The following FSTL1 variants were observed in gnomAD, a reference collection of about 807,000 sequenced individuals.
FSTL1 encodes the protein follistatin-related protein 1.
A neutral mutation model predicts 45.9 loss-of-function variants in FSTL1; 24 were observed. That is an observed-to-expected ratio of 0.52 (90% CI 0.38 to 0.74). The LOEUF is 0.74. Among genes scored for constraint, FSTL1 ranks in the 30% least tolerant of loss-of-function variants. The pLI, the probability that FSTL1 is intolerant of heterozygous loss-of-function variation, is 0.00. For missense variants in FSTL1, 340 were observed against 381.8 expected (o/e 0.89, Z 0.91); for synonymous variants, 120 against 137.6 (o/e 0.87, Z 0.89).
intron 2 of FSTL1, among the ~76,000 whole-genome samples, chr3:120,443,277 G>A (rs1160136065): frequency 6.7e-6 from 1 of 149,204 alleles, no homozygotes; most frequent in Non-Finnish European, 1.5e-5. Context: ...AAGAGGTGAG[G>A]AAGGGGAATT....
chr3:120,443,458 T>C (rs1937669056), intron 2 of FSTL1, among the ~76,000 whole-genome samples: 1 of 149,882 alleles, frequency 6.7e-6, no homozygotes, highest in African/African-American at 2.5e-5. Flanking sequence ...ATCCATAAAT[T>C]ACACTTATTA....
At chr3:120,437,273 G>A (rs148475782) in intron 2 of FSTL1, among the ~76,000 whole-genome samples, 2 of 152,292 alleles carry the variant, frequency 1.3e-5, no homozygotes, top group African/African-American at 4.8e-5. Context: ...TATGTTGGCT[G>A]TGGGATTAGG....
chr3:120,450,531 A>T (rs1937865954), intron 2 of FSTL1, among the ~76,000 whole-genome samples, 153 bp downstream of exon 2: 1 of 152,108 alleles, frequency 6.6e-6, no homozygotes, highest in South Asian at 2.1e-4. Flanking sequence ...CGTAAGCAGC[A>T]TTACTGCCCC....
chr3:120,436,696 A>G (rs1322741720), intron 2 of FSTL1, among the ~76,000 whole-genome samples: 1 of 152,216 alleles, frequency 6.6e-6, no homozygotes, highest in Non-Finnish European at 1.5e-5. Context: ...ACAAAGCACA[A>G]ACAGACACAT....
chr3:120,447,162 C>T (rs1252438425), intron 2 of FSTL1, among the ~76,000 whole-genome samples: 1 of 152,152 alleles, frequency 6.6e-6, no homozygotes, highest in Non-Finnish European at 1.5e-5. Flanking sequence ...CAAGGGCACA[C>T]ACACTACCGC....
intron 2 of FSTL1, among the ~76,000 whole-genome samples, chr3:120,434,975 T>G (rs920328272): frequency 2.0e-5 from 3 of 152,066 alleles, no homozygotes; most frequent in Non-Finnish European, 4.4e-5. Context: ...TCCCAGCACA[T>G]TGGGAGGTTG....
intron 2 of FSTL1, among the ~76,000 whole-genome samples, chr3:120,432,942 G>A (rs117751897): frequency 0.014 from 2,189 of 152,276 alleles, 35 homozygotes; most frequent in South Asian, 0.067. Flanking sequence ...GACACTGAAT[G>A]CCTTTTGCTT....
chr3:120,412,150 G>A (rs1259789492), intron 3 of FSTL1, among the ~76,000 whole-genome samples, 167 bp from the exon 4 acceptor site: 1 of 152,160 alleles, frequency 6.6e-6, no homozygotes, highest in Non-Finnish European at 1.5e-5. Flanking sequence ...CACAGTTCTG[G>A]CCAACTGACC....
chr3:120,424,853 T>C (rs1039498837), intron 2 of FSTL1, among the ~76,000 whole-genome samples: 1 of 151,954 alleles, frequency 6.6e-6, no homozygotes, highest in South Asian at 2.1e-4. Flanking sequence ...TGGGCAATGA[T>C]GAGTCAGTTA....
chr3:120,438,670 A>G (rs1262050194), intron 2 of FSTL1, among the ~76,000 whole-genome samples: 1 of 152,202 alleles, frequency 6.6e-6, no homozygotes, highest in Admixed American at 6.5e-5. Flanking sequence ...AGGACTTCAA[A>G]GCTGCATTTT....
chr3:120,414,014 C>T (rs1160198363), intron 3 of FSTL1, among the ~76,000 whole-genome samples: 4 of 151,878 alleles, frequency 2.6e-5, no homozygotes, highest in Non-Finnish European at 5.9e-5. Flanking sequence ...AGCCCCTAAC[C>T]GCAAGTGATC....
chr3:120,418,685 A>G (rs778237031), intron 2 of FSTL1, among the ~76,000 whole-genome samples: 4 of 152,194 alleles, frequency 2.6e-5, no homozygotes, highest in Non-Finnish European at 5.9e-5. Flanking sequence ...AATTACCCAC[A>G]TCCCACCTCT....
In FSTL1 at chr3:120,415,977, G is replaced by C. The variant is rs745801934; in HGVS notation, c.114C>G (p.Ala38=). Residue 38 remains alanine, a synonymous_variant, in exon 3 of 11, where the codon GCC becomes GCG. Transcript: ENST00000295633. ...TCTCTGTGACTGCACATTCCCGGCC[G>C]GCTCCACAAAACACATTGGCACAGA... ...SKICANVFCG[A]GRECAVTEKG... The C allele has an allele frequency of 1.9e-6, 3 of 1,613,970 alleles. No individual in the cohort carries two copies. The highest frequency in any genetic ancestry group is 8.5e-7 in the Non-Finnish European group (1 of 1,179,878).
chr3:120,395,425 C>A lies in FSTL1; in HGVS notation c.*1527G>T. ...AGGATTAAATCTCCATTTTCTTCCCCCTGTTGAATCTGAAACTTTCTTTTA... is the reference window on the plus strand; with the variant it reads ...AGGATTAAATCTCCATTTTCTTCCCACTGTTGAATCTGAAACTTTCTTTTA... On this transcript the variant is annotated 3_prime_UTR_variant, in exon 11 of 11. Coordinates refer to ENST00000295633, the MANE Select transcript of FSTL1 (RefSeq NM_007085.5). 3.0e-6 allele frequency: 1 copy of A among 337,878 alleles called. No individual in the cohort carries two copies. Among genetic ancestry groups the A allele is most frequent in the Non-Finnish European group, 5.7e-6 (1 of 176,128 alleles). The allele number at this position is 337,878 out of a possible 1,614,324, so 20.9% of individuals were successfully genotyped here. A position where few individuals can be genotyped will look rare whatever the true frequency, so the allele number is the denominator to read the frequency against.
chr3:120,409,587 T>C lies in FSTL1; in HGVS notation c.407A>G (p.Asp136Gly), dbSNP rs767763556. ...GTTGCTGCCTTTAGAGAACCAGCCA[T>C]CTGGAATGATCTCAGCTTCCAGCCA... is the stretch of plus-strand genomic sequence containing the variant. ...IQWLEAEIIPDGWFSKGSNYS... is the reference protein window; with the variant it reads ...IQWLEAEIIPGGWFSKGSNYS... Residue 136 changes from aspartate (D) to glycine (G), a missense_variant, in exon 6 of 11, where the codon GAT (aspartate) becomes GGT (glycine). By Grantham distance (94) the Asp-to-Gly change is moderately conservative. Coordinates refer to ENST00000295633, the MANE Select transcript of FSTL1 (RefSeq NM_007085.5). 1 of 1,613,674 alleles carries C rather than the reference T, an allele frequency of 6.2e-7. No individual in the cohort carries two copies. Among genetic ancestry groups the C allele is most frequent in the Non-Finnish European group, 8.5e-7 (1 of 1,179,670 alleles).
In FSTL1 at chr3:120,412,838, G is replaced by GCGCGCACACA. The variant is rs1429168694; in HGVS notation, c.169-856_169-855insTGTGTGCGCG. On this transcript the variant is annotated intron_variant, in intron 3 of 10. Transcript: ENST00000295633. ...CACATGTGCGCGCGCGCGCGCGCGC[G>GCGCGCACACA]CACACACACACACACACACACACAC... Among the ~76,000 whole-genome samples the GCGCGCACACA allele has an allele frequency of 1.1e-3, 112 of 106,160 alleles. No individual in the cohort carries two copies. The East Asian group carries it at 0.012, about 11-fold the overall frequency. The allele number at this position is 106,160 out of a possible 152,430, so 69.6% of individuals were successfully genotyped here.
At chr3:120,437,156 T>C (rs1733307) in intron 2 of FSTL1, among the ~76,000 whole-genome samples, 88,377 of 152,094 alleles carry the variant, frequency 0.58, 28,811 homozygotes, top group East Asian at 0.76. Context: ...GTCCCGTCCA[T>C]TTTCTTTTTC....
intron 2 of FSTL1, chr3:120,419,145 T>G (rs1317749546): frequency 2.0e-5 from 3 of 152,220 alleles, no homozygotes; most frequent in Non-Finnish European, 4.4e-5. Context: ...CAGTGTTGGC[T>G]CCTGCAGCTC....
At chr3:120,404,758 C>T (rs2107651756) in intron 7 of FSTL1, 95 bp downstream of exon 7, 3 of 742,118 alleles carry the variant, frequency 4.0e-6, no homozygotes, top group East Asian at 4.9e-5. Flanking sequence ...CATTCTCTCA[C>T]TGGTGGCTCT....
Sources: allele counts gnomAD v4.1 joint callset (sites outside exome capture counted in the v4.1 genomes callset), GRCh38; gene constraint gnomAD v4.1.1; transcripts MANE v1.5; gene names NCBI Gene and HGNC (gene_info 2026-07-23, HGNC 2026-07-21).